Variants in PARPBP observed in about 807,000 individuals in gnomAD.
PARPBP encodes the protein PCNA-interacting partner.
In PARPBP, 52 loss-of-function variants were observed where a neutral mutation model predicts 50.0. The observed-to-expected ratio is 1.04, with a 90% CI of 0.83 to 1.31. PARPBP has a LOEUF of 1.31. Among genes scored for constraint, PARPBP ranks in the 50% most tolerant of loss-of-function variants. PARPBP has a pLI of 0.00. For missense variants in PARPBP, 697 were observed against 672.0 expected (o/e 1.04, Z -0.41); for synonymous variants, 244 against 232.1 (o/e 1.05, Z -0.47).
At position 102,182,544 on chromosome 12, in the gene PARPBP, C is replaced by T. The variant is rs1209248468; in HGVS notation, c.1185-5C>T. 10 of 1,564,918 alleles carry T rather than the reference C, an allele frequency of 6.4e-6. No homozygotes were observed. Among genetic ancestry groups the T allele is most frequent in the African/African-American group, 1.4e-5 (1 of 70,904 alleles). ...AAATTTTTGCCTTTTTTTTTTTTGA[C>T]ATAGGTCTCCCACACAGGTGAATAA... On this transcript the variant is annotated splice_region_variant and splice_polypyrimidine_tract_variant and intron_variant, in intron 8 of 10. Transcript: ENST00000327680.
intron 7 of PARPBP, among the ~76,000 whole-genome samples, chr12:102,178,200 C>A (rs781300877): frequency 2.0e-5 from 3 of 152,122 alleles, no homozygotes; most frequent in Non-Finnish European, 4.4e-5. Context: ...TTGATCGTTA[C>A]AGTCATCCAT....
At chr12:102,177,644 G>C (rs1889408052) in intron 7 of PARPBP, among the ~76,000 whole-genome samples, 3 of 152,074 alleles carry the variant, frequency 2.0e-5, no homozygotes, top group South Asian at 4.2e-4. Flanking sequence ...TTTGTGACCT[G>C]TCTCCAGATT....
At chr12:102,184,046 G>GAAAAAAAAAAAAAAAAAAAAA (rs71438459) in intron 9 of PARPBP, among the ~76,000 whole-genome samples, 3 of 59,974 alleles carry the variant, frequency 5.0e-5, no homozygotes, top group African/African-American at 7.2e-5. Flanking sequence ...GACTCTATCT[G>GAAAAAAAAAAAAAAAAAAAAA]AAAAAAAAAA....
At chr12:102,180,973 C>T (rs56390130) in intron 8 of PARPBP, among the ~76,000 whole-genome samples, 22,486 of 152,100 alleles carry the variant, frequency 0.15, 1,783 homozygotes, top group Non-Finnish European at 0.18. Context: ...GGTTCTAATT[C>T]TGGCTCTATT....
rs1303154606 is a variant in PARPBP at position 102,195,365 on chromosome 12, C to T, written c.1317C>T (p.Tyr439=). 1.9e-6 allele frequency: 3 copies of T among 1,587,852 alleles called. No individual in the cohort carries two copies. Among genetic ancestry groups the T allele is most frequent in the Non-Finnish European group, 2.6e-6 (3 of 1,159,786 alleles). The stretch of plus-strand genomic sequence containing the variant: ...TTGCTTGTACTTATAAAGATGACTA[C>T]ATGATAAGCAAGGATAATTGGAATA... The part of the protein sequence containing the change: ...SQFACTYKDD[Y]MISKDNWNNV... The change falls in exon 10 of 11, where the codon TAC becomes TAT. Residue 439 remains tyrosine, a synonymous_variant. Transcript: ENST00000327680.
At chr12:102,151,277 TG>T (rs1011777558) in intron 3 of PARPBP, among the ~76,000 whole-genome samples, 3 of 151,862 alleles carry the variant, frequency 2.0e-5, no homozygotes, top group Non-Finnish European at 4.4e-5. Context: ...TGGGTCTGGG[TG>T]GGGGTGCCGC....
chr12:102,133,190 G>T (rs978898611), intron 2 of PARPBP, among the ~76,000 whole-genome samples: 2 of 152,106 alleles, frequency 1.3e-5, no homozygotes, highest in African/African-American at 2.4e-5. Context: ...ATGTTGAATA[G>T]AAGTGGGAAG....
chr12:102,161,053 T>C (rs531394125), intron 4 of PARPBP, among the ~76,000 whole-genome samples: 1 of 152,238 alleles, frequency 6.6e-6, no homozygotes, highest in Non-Finnish European at 1.5e-5. Context: ...TGACTTAGAA[T>C]ACCTTTCTTT....
rs139130913 is a variant in PARPBP at position 102,141,539 on chromosome 12, G to A, written c.154-6691G>A. On this transcript the variant is annotated intron_variant, in intron 2 of 10. Coordinates refer to ENST00000327680, the MANE Select transcript of PARPBP (RefSeq NM_017915.5). The stretch of plus-strand genomic sequence containing the variant: ...TTGATCCTGTCATTATGATGTTAGC[G>A]GGTTATTTTGCTCGTTAGTTGATGC... Among the ~76,000 whole-genome samples the A allele has an allele frequency of 7.9e-5, 12 of 152,082 alleles. No individual in the cohort carries two copies. In the South Asian group the frequency reaches 8.3e-4, roughly 11 times the overall value.
rs755937460 is a variant in PARPBP at position 102,153,961 on chromosome 12, C to T, written c.480C>T (p.Asn160=). 5 of 1,571,960 alleles carry T rather than the reference C, an allele frequency of 3.2e-6. No individual in the cohort carries two copies. Among genetic ancestry groups the T allele is most frequent in the Non-Finnish European group, 4.4e-6 (5 of 1,141,992 alleles). ...SIPTSPTSKY[N]RDNEKVQLLA... ...CAACATCACCAACAAGTAAATACAA[C>T]CGTGATAATGAAAAGGTACTGATAA... Residue 160 remains asparagine, a synonymous_variant, in exon 4 of 11, where the codon AAC becomes AAT. Coordinates refer to ENST00000327680, the MANE Select transcript of PARPBP (RefSeq NM_017915.5).
rs954062913 is a variant in PARPBP at position 102,156,713 on chromosome 12, C to T, written c.495+2737C>T. Among the ~76,000 whole-genome samples the T allele has an allele frequency of 6.7e-4, 102 of 152,198 alleles. 1 individual carries two copies. The highest frequency in any genetic ancestry group is 1.3e-4 in the Non-Finnish European group (9 of 68,046). Reference sequence around the variant, plus strand: ...GAAGTGCAGTGTGGCACGATCTCCACTTACTGCAACCACTGCCTCCCAGGT... The same window carrying T: ...GAAGTGCAGTGTGGCACGATCTCCATTTACTGCAACCACTGCCTCCCAGGT... On this transcript the variant is annotated intron_variant, in intron 4 of 10. Coordinates refer to ENST00000327680, the MANE Select transcript of PARPBP (RefSeq NM_017915.5).
intron 10 of PARPBP, 42 bp downstream of exon 10, chr12:102,195,489 T>C: frequency 6.9e-7 from 1 of 1,443,584 alleles, no homozygotes; most frequent in Non-Finnish European, 9.6e-7. Flanking sequence ...AATTTAATTC[T>C]AGTCTACTAA....
rs911700369 is a variant in PARPBP at position 102,178,300 on chromosome 12, C to T, written c.1006-292C>T. 2.5e-4 allele frequency among the ~76,000 whole-genome samples: 38 copies of T among 152,144 alleles called. 1 individual carries two copies. Among genetic ancestry groups the T allele is most frequent in the Non-Finnish European group, 1.5e-5 (1 of 68,030 alleles). ...AGATGTTGAGCCATGGGGCTGATGT[C>T]ACATAGCTAGATAGTGGCTAAAGTT... On this transcript the variant is annotated intron_variant, in intron 7 of 10. Coordinates refer to ENST00000327680, the MANE Select transcript of PARPBP (RefSeq NM_017915.5).
chr12:102,186,720 G>A (rs1268553331), intron 9 of PARPBP, among the ~76,000 whole-genome samples: 1 of 152,110 alleles, frequency 6.6e-6, no homozygotes, highest in Non-Finnish European at 1.5e-5. Context: ...CAATTGAAAA[G>A]TCATATATAC....
intron 3 of PARPBP, 85 bp downstream of exon 3, chr12:102,148,548 A>C: frequency 1.8e-6 from 1 of 557,154 alleles, no homozygotes; most frequent in Non-Finnish European, 3.0e-6. Flanking sequence ...CAGTTATAGT[A>C]ACTTGGTAAT....
At chr12:102,158,120 C>CAAAAA (rs55962862) in intron 4 of PARPBP, among the ~76,000 whole-genome samples, 113 of 47,302 alleles carry the variant, frequency 2.4e-3, no homozygotes, top group Non-Finnish European at 3.0e-3. Context: ...GACTCCATCT[C>CAAAAA]AAAAAAAAAA....
chr12:102,121,958 T>A (rs185117094), intron 1 of PARPBP, among the ~76,000 whole-genome samples: 1 of 152,296 alleles, frequency 6.6e-6, no homozygotes, highest in Admixed American at 6.5e-5. Context: ...TGTCGTTGAC[T>A]TGTCATAAAA....
chr12:102,147,564 G>T (rs1397086269), intron 2 of PARPBP, among the ~76,000 whole-genome samples: 2 of 123,888 alleles, frequency 1.6e-5, no homozygotes, highest in South Asian at 3.3e-4. Context: ...GGGGACTCTT[G>T]TGGGGTGGGG....
chr12:102,135,536 CAAAAAAAAAAAA>C (rs34890863), intron 2 of PARPBP, among the ~76,000 whole-genome samples: 2 of 50,558 alleles, frequency 4.0e-5, no homozygotes, highest in Admixed American at 4.2e-4. Context: ...ACTCCGTCTC[CAAAAAAAAAAAA>C]AAAAAAAAAA....
Sources: gnomAD v4.1 joint callset for allele counts (sites outside exome capture counted in the v4.1 genomes callset) on GRCh38, gnomAD v4.1.1 for gene constraint, MANE v1.5 for transcripts, NCBI Gene and HGNC (gene_info 2026-07-23, HGNC 2026-07-21) for gene names.